The following BRWD1 variants were observed in gnomAD, a reference collection of about 807,000 sequenced individuals.
BRWD1 encodes bromodomain and WD repeat domain containing 1.
In BRWD1, 82 loss-of-function variants were observed where a neutral mutation model predicts 251.2. The ratio of observed to expected loss-of-function variants is 0.33; its 90% CI spans 0.27 to 0.39. BRWD1 has a LOEUF of 0.39. Ranked by LOEUF, BRWD1 falls within the 10% of genes least tolerant of loss-of-function variation. The pLI, the probability that BRWD1 is intolerant of heterozygous loss-of-function variation, is 1.00. For missense variants in BRWD1, 2,233 were observed against 2,711.6 expected (o/e 0.82, Z 3.92); for synonymous variants, 918 against 902.8 (o/e 1.02, Z -0.30).
intron 19 of BRWD1, among the ~76,000 whole-genome samples, chr21:39,252,457 A>G (rs1386133078): frequency 1.3e-5 from 2 of 152,164 alleles, no homozygotes; most frequent in Non-Finnish European, 2.9e-5. Flanking sequence ...TTTTATAGTC[A>G]GAAAACAAAT....
In BRWD1 at chr21:39,196,064, C is replaced by T; in HGVS notation, c.*195G>A. 7.7e-7 allele frequency: 1 copy of T among 1,302,778 alleles called. No homozygotes were observed. The highest frequency in any genetic ancestry group is 3.1e-5 in the East Asian group (1 of 32,218). The allele number at this position is 1,302,778 out of a possible 1,614,324, so 80.7% of individuals were successfully genotyped here. ...CCCAAAATGAAGCATATTTTGGCAC[C>T]TGTGCTGAATGCTGCTACAAAGACC... On this transcript the variant is annotated 3_prime_UTR_variant, in exon 41 of 41. Coordinates refer to ENST00000342449, the MANE Select transcript of BRWD1 (RefSeq NM_033656.4).
At chr21:39,304,780 T>C (rs1057310647) in intron 4 of BRWD1, among the ~76,000 whole-genome samples, 4 of 152,120 alleles carry the variant, frequency 2.6e-5, no homozygotes, top group African/African-American at 9.7e-5. Context: ...GAAGTTGGTG[T>C]GGCTATATTA....
chr21:39,266,890 C>T (rs568676680), intron 15 of BRWD1, among the ~76,000 whole-genome samples: 1 of 152,210 alleles, frequency 6.6e-6, no homozygotes, highest in East Asian at 1.9e-4. Context: ...ATCATTGTTG[C>T]CCACGTGAAA....
chr21:39,199,005 T>C lies in BRWD1; in HGVS notation c.5411A>G (p.Asn1804Ser). 1.2e-6 allele frequency: 2 copies of C among 1,614,144 alleles called. No individual in the cohort carries two copies. Among genetic ancestry groups the C allele is most frequent in the Non-Finnish European group, 1.7e-6 (2 of 1,180,014 alleles). ...GAAACTCGCATTCTTGTGAAATGTA[T>C]TGTATTTCCTACCACCAGATCTTCC... ...EPGRSGGRKY[N>S]TFHKNASFFK... is the part of the protein sequence containing the mutation. The change falls in exon 40 of 41, where the codon AAT becomes AGT. Residue 1804 changes from asparagine to serine, a missense_variant. Around this residue, in one of 12 missense-constraint regions of BRWD1, gnomAD observed 928 missense variants for 970.0 expected, o/e 0.96. Transcript: ENST00000342449.
At chr21:39,210,331 T>C (rs892795242) in intron 35 of BRWD1, among the ~76,000 whole-genome samples, 184 bp from the exon 36 acceptor site, 1 of 152,170 alleles carries the variant, frequency 6.6e-6, no homozygotes, top group Non-Finnish European at 1.5e-5. Flanking sequence ...TATACCAAAA[T>C]GTTAATGTCT....
At chr21:39,241,229 A>C (rs1354332534) in intron 21 of BRWD1, among the ~76,000 whole-genome samples, 2 of 151,866 alleles carry the variant, frequency 1.3e-5, no homozygotes, top group Non-Finnish European at 2.9e-5. Flanking sequence ...ATTTTGGGAG[A>C]CCAAGTCGGG....
chr21:39,230,975 A>G (rs965077411), intron 25 of BRWD1, among the ~76,000 whole-genome samples: 3 of 152,210 alleles, frequency 2.0e-5, no homozygotes, highest in African/African-American at 7.2e-5. Flanking sequence ...TCACAAATAC[A>G]GAATCCAAGA....
At chr21:39,317,631 G>A (rs1227112081), upstream of BRWD1, among the ~76,000 whole-genome samples, 2 of 152,226 alleles carry the variant, frequency 1.3e-5, no homozygotes. Context: ...TGAAAATTAG[G>A]AGACTTACAC....
chr21:39,243,173 G>A (rs79406679), intron 21 of BRWD1, among the ~76,000 whole-genome samples: 3,203 of 152,222 alleles, frequency 0.021, 59 homozygotes, highest in Non-Finnish European at 0.032. Context: ...CTGATGTGAT[G>A]CACTGAGAAG....
Position 39,210,089 on chromosome 21 carries a change from T to C in BRWD1, c.4103A>G (p.Asp1368Gly), listed in dbSNP as rs768520027. Residue 1368 changes from aspartate to glycine, a missense_variant, in exon 36 of 41, where the codon GAT (aspartate) becomes GGT (glycine). Coordinates refer to ENST00000342449, the MANE Select transcript of BRWD1 (RefSeq NM_033656.4). ...MDFGTVRETL[D>G]AGNYDSPLEF... ...CAAAGGGCTGTCATAATTTCCCGCA[T>C]CTAGAGTTTCCCTTACTGTTCCAAA... 3 of 1,613,456 alleles carry C rather than the reference T, an allele frequency of 1.9e-6. No homozygotes were observed. In the South Asian group the frequency reaches 3.3e-5, roughly 18 times the overall value.
At chr21:39,184,696 TAA>T (rs1345677560), downstream of BRWD1, 1 of 152,206 alleles carries the variant, frequency 6.6e-6, no homozygotes, top group African/African-American at 2.4e-5. Context: ...TCTGCAAAAA[TAA>T]AGTGAGTTTG....
Position 39,194,716 on chromosome 21 carries a change from T to G in BRWD1, c.*1543A>C, listed in dbSNP as rs1364637279. On this transcript the variant is annotated 3_prime_UTR_variant, in exon 41 of 41. Coordinates refer to ENST00000342449, the MANE Select transcript of BRWD1 (RefSeq NM_033656.4). ...TACCAGTCTGATGCTTCGCCTTGTC[T>G]GCCACTTCAAAGATACACAGGAGAA... The G allele has an allele frequency of 1.3e-6, 2 of 1,535,208 alleles. No individual in the cohort carries two copies. The highest frequency in any genetic ancestry group is 4.9e-5 in the East Asian group (2 of 40,882).
intron 21 of BRWD1, among the ~76,000 whole-genome samples, chr21:39,243,444 C>T (rs1224375054): frequency 6.6e-6 from 1 of 151,882 alleles, no homozygotes; most frequent in African/African-American, 2.4e-5. Flanking sequence ...TTGTTTATTG[C>T]CTCATTTTTT....
chr21:39,226,664 A>T (rs1443388066), intron 27 of BRWD1, among the ~76,000 whole-genome samples: 1 of 152,224 alleles, frequency 6.6e-6, no homozygotes, highest in African/African-American at 2.4e-5. Context: ...TTTCTTCAAG[A>T]AAAATTTTCT....
At chr21:39,311,446 C>A (rs114343269) in intron 4 of BRWD1, among the ~76,000 whole-genome samples, 1 of 152,186 alleles carries the variant, frequency 6.6e-6, no homozygotes, top group Non-Finnish European at 1.5e-5. Context: ...TGAGCCACTG[C>A]ACCCAGCCCC....
intron 10 of BRWD1, 109 bp downstream of exon 10, chr21:39,278,634 A>C: frequency 1.4e-6 from 1 of 730,210 alleles, no homozygotes; most frequent in Non-Finnish European, 2.2e-6. Flanking sequence ...TGAAATAAAC[A>C]CCAGAAGTCA....
chr21:39,189,592 A>T lies in BRWD1; in HGVS notation c.*6667T>A, dbSNP rs1208864961. On this transcript the variant is annotated 3_prime_UTR_variant, in exon 41 of 41. Coordinates refer to ENST00000342449, the MANE Select transcript of BRWD1 (RefSeq NM_033656.4). The stretch of plus-strand genomic sequence containing the variant: ...GAATTACACTGTACTCTAACTTGAT[A>T]AAGCTGAATCTCTTAAGTCTTAGAC... The T allele has an allele frequency of 1.0e-6, 1 of 983,430 alleles. No homozygotes were observed. The highest frequency in any genetic ancestry group is 6.2e-5 in the Admixed American group (1 of 16,252). The allele number at this position is 983,430 out of a possible 1,614,324, so 60.9% of individuals were successfully genotyped here.
At chr21:39,291,075 T>C (rs916846960) in intron 8 of BRWD1, among the ~76,000 whole-genome samples, 56 of 152,182 alleles carry the variant, frequency 3.7e-4, no homozygotes, top group African/African-American at 1.2e-3. Context: ...CAGTGAGCCA[T>C]GACTGCACCA....
intron 19 of BRWD1, 38 bp from the exon 20 acceptor site, chr21:39,250,927 C>T (rs368304120): frequency 2.4e-6 from 3 of 1,230,938 alleles, no homozygotes; most frequent in Non-Finnish European, 3.5e-6. Context: ...AACTACTGAA[C>T]TGATGGATAA....
Sources: gnomAD v4.1 joint callset for allele counts (sites outside exome capture counted in the v4.1 genomes callset) on GRCh38, gnomAD v4.1.1 for gene constraint, gnomAD v4.1.1 regional missense constraint, MANE v1.5 for transcripts, NCBI Gene and HGNC (gene_info 2026-07-23, HGNC 2026-07-21) for gene names.